The following KIF7 variants were observed in gnomAD, a reference collection of about 807,000 sequenced individuals.
KIF7 encodes kinesin-like protein KIF7.
Under a neutral mutation model 135.7 loss-of-function variants are expected in KIF7, and 104 were observed. The ratio of observed to expected loss-of-function variants is 0.77; its 90% CI spans 0.65 to 0.90. The LOEUF is 0.90. Ranked by LOEUF, KIF7 falls within the 40% of genes least tolerant of loss-of-function variation. KIF7 has a pLI of 0.00. For synonymous variants in KIF7, 883 were observed against 809.4 expected (o/e 1.09, Z -1.54); for missense variants, 2,005 against 1,839.1 (o/e 1.09, Z -1.65).
downstream of KIF7, chr15:89,625,594 G>C: frequency 6.2e-7 from 1 of 1,613,062 alleles, no homozygotes; most frequent in Non-Finnish European, 8.5e-7. Flanking sequence ...GGCCGAGGAA[G>C]CCTCTTCCTG....
At chr15:89,655,827 C>G (rs924884712), upstream of KIF7, among the ~76,000 whole-genome samples, 3 of 152,150 alleles carry the variant, frequency 2.0e-5, no homozygotes, top group Non-Finnish European at 4.4e-5. Flanking sequence ...AAAGTTTTCT[C>G]AGTTATAAGA....
intron 1 of KIF7, chr15:89,619,876 G>A (rs981720549): frequency 2.5e-5 from 39 of 1,567,730 alleles, no homozygotes; most frequent in Non-Finnish European, 3.4e-5. Flanking sequence ...TCACAAGTCC[G>A]TGCTGACTTG....
chr15:89,645,224 G>T, intron 9 of KIF7, 59 bp from the exon 10 acceptor site: 1 of 1,604,806 alleles, frequency 6.2e-7, no homozygotes, highest in Non-Finnish European at 8.5e-7. Context: ...AGACAGAGGA[G>T]TGGAGAGCAG....
At chr15:89,618,213 G>A in intron 1 of KIF7, 8 of 1,613,870 alleles carry the variant, frequency 5.0e-6, no homozygotes, top group Non-Finnish European at 5.9e-6. Context: ...AGGAGATGGT[G>A]AGTGTTATCT....
chr15:89,630,185 A>C, intron 16 of KIF7, 102 bp downstream of exon 16: 1 of 1,086,706 alleles, frequency 9.2e-7, no homozygotes, highest in African/African-American at 1.5e-5. Context: ...TCTGTCCCCC[A>C]GTCTGGGAGG....
intron 15 of KIF7, among the ~76,000 whole-genome samples, 189 bp downstream of exon 15, chr15:89,631,306 A>G (rs1037361919): frequency 5.4e-4 from 83 of 152,318 alleles, no homozygotes; most frequent in African/African-American, 1.9e-3. Context: ...GTCCCAGCCA[A>G]TGAGGCCAAA....
intron 11 of KIF7, among the ~76,000 whole-genome samples, chr15:89,635,550 T>C (rs905504289): frequency 1.3e-5 from 2 of 152,120 alleles, no homozygotes; most frequent in African/African-American, 4.8e-5. Context: ...CAGGAGCTGA[T>C]GCGATCAACT....
intron 17 of KIF7, 85 bp downstream of exon 17, chr15:89,629,290 G>T: frequency 8.3e-7 from 1 of 1,202,394 alleles, no homozygotes. Context: ...GCGGTGGGGG[G>T]AGGGAGGGGG....
At chr15:89,630,572 C>A (rs1963652517) in intron 15 of KIF7, 79 bp from the exon 16 acceptor site, 1 of 1,209,066 alleles carries the variant, frequency 8.3e-7, no homozygotes, top group Non-Finnish European at 1.2e-6. Context: ...CAACAGCCAA[C>A]ACGTAGCCAC....
Position 89,632,835 on chromosome 15 carries a change from G to A in KIF7, c.2880C>T (p.Arg960=). 1.2e-6 allele frequency: 2 copies of A among 1,606,614 alleles called. No homozygotes were observed. Among genetic ancestry groups the A allele is most frequent in the Non-Finnish European group, 8.5e-7 (1 of 1,179,634 alleles). The change falls in exon 14 of 19, where the codon CGC becomes CGT. Residue 960 remains arginine (R), a synonymous_variant. Coordinates refer to ENST00000394412, the MANE Select transcript of KIF7 (RefSeq NM_198525.3). The part of the protein sequence containing the change: ...MQEKTGLESK[R]LRSSQALNED... ...AGGGCCTCACCTGGCTGGATCTCAG[G>A]CGCTTGCTCTCCAGCCCCGTCTTCT... is the stretch of plus-strand genomic sequence containing the variant.
chr15:89,628,046 C>T lies in KIF7; in HGVS notation c.*373G>A, dbSNP rs535935295. 1.6e-4 allele frequency: 32 copies of T among 200,982 alleles called. No homozygotes were observed. Among genetic ancestry groups the T allele is most frequent in the African/African-American group, 6.9e-4 (30 of 43,232 alleles). The allele number at this position is 200,982 out of a possible 1,614,324, so 12.4% of individuals were successfully genotyped here. ...AAAGTCTCCCAGTTTCCCCTATATA[C>T]ATAAGACCATTTAAACCACAACCTG... On this transcript the variant is annotated 3_prime_UTR_variant, in exon 19 of 19. Transcript: ENST00000394412.
downstream of KIF7, chr15:89,624,582 G>A (rs1449870371): frequency 1.6e-5 from 26 of 1,613,838 alleles, no homozygotes; most frequent in Admixed American, 4.3e-4. Flanking sequence ...GAGATGACCA[G>A]AAGGGACTGA....
downstream of KIF7, among the ~76,000 whole-genome samples, chr15:89,623,457 G>A (rs939295056): frequency 7.2e-5 from 11 of 152,236 alleles, no homozygotes; most frequent in Admixed American, 1.3e-4. Context: ...AGTAAAATCT[G>A]AGTCATGTTT....
chr15:89,644,973 C>T (rs1328200014), intron 10 of KIF7, 40 bp downstream of exon 10: 2 of 1,603,490 alleles, frequency 1.2e-6, no homozygotes, highest in Non-Finnish European at 1.7e-6. Flanking sequence ...GATGAGAAGT[C>T]CCCCTCGGGT....
downstream of KIF7, chr15:89,625,461 G>C: frequency 6.2e-7 from 1 of 1,613,982 alleles, no homozygotes; most frequent in Admixed American, 1.7e-5. Context: ...CACTGCTTGA[G>C]TCAGAGGGCA....
intron 11 of KIF7, among the ~76,000 whole-genome samples, chr15:89,636,143 C>T (rs1963802797): frequency 6.6e-6 from 1 of 152,046 alleles, no homozygotes; most frequent in Non-Finnish European, 1.5e-5. Flanking sequence ...GATTTTGTCA[C>T]ACCCAGGCCT....
chr15:89,625,783 T>C (rs780551698), downstream of KIF7: 87 of 1,593,790 alleles, frequency 5.5e-5, 1 homozygote, highest in South Asian at 6.9e-4. Flanking sequence ...GGTGTTTGTT[T>C]CCGGTGAGTT....
intron 11 of KIF7, among the ~76,000 whole-genome samples, chr15:89,637,169 C>T (rs1963825971): frequency 8.1e-6 from 1 of 122,852 alleles, no homozygotes; most frequent in African/African-American, 3.2e-5. Flanking sequence ...CTCTGGGACA[C>T]ATTCAAAGCA....
At position 89,630,413 on chromosome 15, in the gene KIF7, T is replaced by G; in HGVS notation, c.3192A>C (p.Thr1064=). The change falls in exon 16 of 19, where the codon ACA becomes ACC. Residue 1064 remains threonine, a synonymous_variant. Coordinates refer to ENST00000394412, the MANE Select transcript of KIF7 (RefSeq NM_198525.3). ...AGGCCCGAAGCACCCGCTGGCGGCA[T>G]GTGATGGCCTCATTCTTATACTCAA... The part of the protein sequence containing the change: ...AAIEYKNEAI[T]CRQRVLRASA... The G allele has an allele frequency of 6.2e-7, 1 of 1,608,836 alleles. No homozygotes were observed. The highest frequency in any genetic ancestry group is 8.5e-7 in the Non-Finnish European group (1 of 1,177,520).
Sources: allele counts gnomAD v4.1 joint callset (sites outside exome capture counted in the v4.1 genomes callset), GRCh38; gene constraint gnomAD v4.1.1; transcripts MANE v1.5; gene names NCBI Gene and HGNC (gene_info 2026-07-23, HGNC 2026-07-21).